The following CTTNBP2 variants were observed in gnomAD, a reference collection of about 807,000 sequenced individuals.
CTTNBP2 encodes cortactin-binding protein 2.
CTTNBP2 carries 108 observed loss-of-function variants against 156.9 expected under a neutral mutation model. That is an observed-to-expected ratio of 0.69 (90% CI 0.59 to 0.81). The LOEUF (loss-of-function observed/expected upper bound fraction) is 0.81. CTTNBP2 is among the 30% of genes least tolerant of loss of function. The pLI is 0.00. For synonymous variants in CTTNBP2, 767 were observed against 751.8 expected (o/e 1.02, Z -0.33); for missense variants, 1,924 against 2,035.4 (o/e 0.95, Z 1.05).
intron 1 of CTTNBP2, among the ~76,000 whole-genome samples, chr7:117,869,713 T>C (rs550864716): frequency 2.0e-5 from 3 of 151,460 alleles, no homozygotes; most frequent in South Asian, 2.1e-4. Flanking sequence ...CTGTGAGAAA[T>C]ACAATAACAA....
chr7:117,851,645 A>G (rs977056142), intron 2 of CTTNBP2, among the ~76,000 whole-genome samples: 4 of 152,184 alleles, frequency 2.6e-5, no homozygotes, highest in Non-Finnish European at 5.9e-5. Flanking sequence ...AGTTTAACAT[A>G]TTCACAGTAT....
intron 10 of CTTNBP2, 44 bp from the exon 11 acceptor site, chr7:117,758,014 G>A (rs1414655667): frequency 6.9e-7 from 1 of 1,453,928 alleles, no homozygotes; most frequent in Admixed American, 1.8e-5. Context: ...AAGCTTATGA[G>A]TGGTTTTTCT....
intron 16 of CTTNBP2, among the ~76,000 whole-genome samples, chr7:117,732,165 G>C (rs897230945): frequency 4.6e-5 from 7 of 151,994 alleles, no homozygotes; most frequent in African/African-American, 1.7e-4. Flanking sequence ...AAAATGTACA[G>C]AGCTCTTTCA....
Position 117,718,015 on chromosome 7 carries a change from TACCTTTTGTG to T in CTTNBP2, c.4739_4746+2del, listed in dbSNP as rs752939355. 2.5e-6 allele frequency: 4 copies of T among 1,582,888 alleles called. No individual in the cohort carries two copies. The South Asian group carries it at 4.4e-5, about 18-fold the overall frequency. Reference sequence around the variant, plus strand: ...TTCACTTTGGGGAGAAAGGGACACTTACCTTTTGTGACACTGGCATTCTCAGATTATTAAT... The same window carrying T: ...TTCACTTTGGGGAGAAAGGGACACTTACACTGGCATTCTCAGATTATTAAT... On this transcript the variant is annotated splice_donor_variant and coding_sequence_variant, in exon 22 of 23. Transcript: ENST00000160373. LOFTEE classifies it high-confidence loss of function.
At chr7:117,744,504 TGACAG>T in intron 14 of CTTNBP2, among the ~76,000 whole-genome samples, 1 of 152,242 alleles carries the variant, frequency 6.6e-6, no homozygotes, top group South Asian at 2.1e-4. Context: ...TTGTTGCAAA[TGACAG>T]GATCTCATTC....
In CTTNBP2 at chr7:117,782,895, G is replaced by A. The variant is rs772396011; in HGVS notation, c.2339C>T (p.Pro780Leu). The A allele has an allele frequency of 1.9e-6, 3 of 1,613,842 alleles. No homozygotes were observed. In the Admixed American group the frequency reaches 5.0e-5, roughly 27 times the overall value. The change falls in exon 6 of 23, where the codon CCC becomes CTC. Residue 780 changes from proline to leucine, a missense_variant. Pro to Leu is a moderately conservative substitution (Grantham distance 98, BLOSUM62 -3). Transcript: ENST00000160373. ...VNAADKNGFTPLCAAAAQGHF... is the reference protein window; with the variant it reads ...VNAADKNGFTLLCAAAAQGHF... ...TCCCTGAGCAGCTGCAGCACACAAGGGTGTGAAGCCATTTTTATCAGCAGC... is the reference window on the plus strand; with the variant it reads ...TCCCTGAGCAGCTGCAGCACACAAGAGTGTGAAGCCATTTTTATCAGCAGC...
intron 16 of CTTNBP2, 118 bp downstream of exon 16, chr7:117,734,795 C>A: frequency 1.4e-6 from 1 of 699,762 alleles, no homozygotes; most frequent in Non-Finnish European, 2.2e-6. Flanking sequence ...CCTTGAATGT[C>A]AAAAAGCTGT....
intron 14 of CTTNBP2, among the ~76,000 whole-genome samples, chr7:117,742,484 A>T (rs1179199806): frequency 6.6e-6 from 1 of 152,134 alleles, no homozygotes; most frequent in Non-Finnish European, 1.5e-5. Context: ...CAATGGAGAG[A>T]TGCGGGATGG....
intron 2 of CTTNBP2, among the ~76,000 whole-genome samples, chr7:117,836,511 T>G (rs552842342): frequency 1.3e-5 from 2 of 152,190 alleles, no homozygotes; most frequent in South Asian, 4.2e-4. Flanking sequence ...GGCAGTGAGC[T>G]GAGATCGCGC....
At chr7:117,727,227 TAA>T (rs1795141070) in intron 17 of CTTNBP2, among the ~76,000 whole-genome samples, 1 of 152,204 alleles carries the variant, frequency 6.6e-6, no homozygotes, top group African/African-American at 2.4e-5. Context: ...GGTCTTGCTC[TAA>T]TACTCAGGCT....
chr7:117,714,955 C>T (rs183557178), intron 22 of CTTNBP2, among the ~76,000 whole-genome samples: 44 of 152,274 alleles, frequency 2.9e-4, no homozygotes, highest in African/African-American at 1.0e-3. Flanking sequence ...AAATGTATAA[C>T]GTTTACTATC....
intron 22 of CTTNBP2, among the ~76,000 whole-genome samples, chr7:117,716,193 A>AACT (rs148150566): frequency 5.6e-5 from 7 of 124,014 alleles, no homozygotes; most frequent in African/African-American, 8.9e-5. Context: ...TTTAAAAAAT[A>AACT]TCTTAAACAA....
intron 16 of CTTNBP2, among the ~76,000 whole-genome samples, chr7:117,731,510 G>A (rs1273813531): frequency 1.3e-5 from 2 of 152,156 alleles, no homozygotes; most frequent in African/African-American, 4.8e-5. Flanking sequence ...ACCCGGTCTT[G>A]TCTCACAGTC....
At chr7:117,834,059 T>TC (rs1317328584) in intron 2 of CTTNBP2, among the ~76,000 whole-genome samples, 1 of 149,750 alleles carries the variant, frequency 6.7e-6, no homozygotes, top group East Asian at 1.9e-4. Flanking sequence ...TCTTTCTTCT[T>TC]TTTTTTTTTT....
intron 12 of CTTNBP2, among the ~76,000 whole-genome samples, chr7:117,753,184 A>C (rs1796708066): frequency 6.6e-6 from 1 of 152,216 alleles, no homozygotes; most frequent in South Asian, 2.1e-4. Context: ...AGAGAAATGC[A>C]AATCAAAACC....
intron 21 of CTTNBP2, 65 bp downstream of exon 21, chr7:117,719,436 TGTG>T: frequency 1.4e-6 from 2 of 1,405,594 alleles, no homozygotes; most frequent in Non-Finnish European, 1.9e-6. Context: ...TTTAGGGAAT[TGTG>T]GTCCCCCAAA....
intron 8 of CTTNBP2, among the ~76,000 whole-genome samples, chr7:117,772,831 G>A (rs753908483): frequency 2.9e-4 from 44 of 152,242 alleles, no homozygotes; most frequent in Non-Finnish European, 5.6e-4. Flanking sequence ...AGGTGTTGGC[G>A]GGAAACACTG....
rs564276941 is a variant in CTTNBP2 at position 117,745,720 on chromosome 7, T to C, written c.3535+111A>G. The C allele has an allele frequency of 9.8e-5, 70 of 711,666 alleles. No individual in the cohort carries two copies. The South Asian group carries it at 1.2e-3, about 12-fold the overall frequency. 44.1% of individuals were successfully genotyped at this position (711,666 alleles called of 1,614,324 possible). A position where few individuals can be genotyped will look rare whatever the true frequency, so the allele number is the denominator to read the frequency against. ...TGTTTATCCCACAGCTGCTGAATAATTAAAGTTATCTTAAATGTATCCCCA... is the reference window on the plus strand; with the variant it reads ...TGTTTATCCCACAGCTGCTGAATAACTAAAGTTATCTTAAATGTATCCCCA... On this transcript the variant is annotated intron_variant, in intron 14 of 22. Coordinates refer to ENST00000160373, the MANE Select transcript of CTTNBP2 (RefSeq NM_033427.3).
At chr7:117,773,069 G>C (rs1012123897) in intron 8 of CTTNBP2, among the ~76,000 whole-genome samples, 4 of 152,284 alleles carry the variant, frequency 2.6e-5, no homozygotes, top group Non-Finnish European at 5.9e-5. Context: ...TTACAATAGA[G>C]TTCAAAGAAC....
Sources: allele counts gnomAD v4.1 joint callset (sites outside exome capture counted in the v4.1 genomes callset), GRCh38; gene constraint gnomAD v4.1.1; transcripts MANE v1.5; gene names NCBI Gene and HGNC (gene_info 2026-07-23, HGNC 2026-07-21).